PRKCA: variants seen among roughly 807,000 people sequenced by gnomAD.
The protein encoded by PRKCA is protein kinase C alpha type.
PRKCA carries 27 observed loss-of-function variants against 87.0 expected under a neutral mutation model. That is an observed-to-expected ratio of 0.31 (90% CI 0.23 to 0.43). PRKCA has a LOEUF of 0.43. Ranked by LOEUF, PRKCA falls within the 20% of genes least tolerant of loss-of-function variation. PRKCA has a pLI of 1.00. For synonymous variants in PRKCA, 329 were observed against 311.1 expected (o/e 1.06, Z -0.61); for missense variants, 518 against 852.3 (o/e 0.61, Z 4.88).
intron 14 of PRKCA, among the ~76,000 whole-genome samples, chr17:66,776,853 G>A (rs1482020461): frequency 1.3e-5 from 2 of 152,218 alleles, no homozygotes; most frequent in Non-Finnish European, 2.9e-5. Flanking sequence ...GGGAGGGGCG[G>A]CATGTGCAGT....
intron 5 of PRKCA, among the ~76,000 whole-genome samples, chr17:66,684,920 T>C (rs1972584947): frequency 6.6e-6 from 1 of 152,228 alleles, no homozygotes; most frequent in South Asian, 2.1e-4. Context: ...GTTGGCCTCT[T>C]TCCATTCCTC....
chr17:66,384,877 C>A (rs1219919871), intron 2 of PRKCA, among the ~76,000 whole-genome samples: 1 of 152,052 alleles, frequency 6.6e-6, no homozygotes, highest in Non-Finnish European at 1.5e-5. Context: ...TGATCCGCCC[C>A]CCTCAGCCTC....
Position 66,391,463 on chromosome 17 carries a change from G to A in PRKCA, c.205+85336G>A, listed in dbSNP as rs138630415. ...GTCATCTGCTCCACATTGGCCAAGG[G>A]TCGGTAGGGTCAGGACAGAGGCCTG... On this transcript the variant is annotated intron_variant, in intron 2 of 16. Transcript: ENST00000413366. 8.5e-5 allele frequency among the ~76,000 whole-genome samples: 13 copies of A among 152,164 alleles called. No homozygotes were observed. The East Asian group carries it at 2.5e-3, about 30-fold the overall frequency.
intron 2 of PRKCA, among the ~76,000 whole-genome samples, chr17:66,391,642 T>C (rs565051771): frequency 6.6e-6 from 1 of 152,232 alleles, no homozygotes. Context: ...TTTTACTTTA[T>C]TGGACAAGCA....
intron 14 of PRKCA, among the ~76,000 whole-genome samples, chr17:66,780,983 C>T (rs2144357798): frequency 6.6e-6 from 1 of 152,180 alleles, no homozygotes; most frequent in South Asian, 2.1e-4. Context: ...GTGACGTGCA[C>T]CTGTAATCCC....
rs570689663 is a variant in PRKCA at position 66,383,002 on chromosome 17, G to A, written c.205+76875G>A. Reference sequence around the variant, plus strand: ...TCATTATTTTATTTCCACATTATACGTAACTGTGTACTTAGTTTTTTTGTA... The same window carrying A: ...TCATTATTTTATTTCCACATTATACATAACTGTGTACTTAGTTTTTTTGTA... On this transcript the variant is annotated intron_variant, in intron 2 of 16. Transcript: ENST00000413366. Among the ~76,000 whole-genome samples the A allele has an allele frequency of 6.6e-5, 10 of 152,190 alleles. No homozygotes were observed. In the South Asian group the frequency reaches 1.5e-3, roughly 22 times the overall value.
At chr17:66,593,692 C>A (rs984855854) in intron 3 of PRKCA, among the ~76,000 whole-genome samples, 4 of 152,198 alleles carry the variant, frequency 2.6e-5, no homozygotes, top group African/African-American at 7.2e-5. Context: ...GAAAAGGAAA[C>A]CCCTGCTTCT....
At chr17:66,641,496 C>A in intron 4 of PRKCA, 30 bp downstream of exon 4, 2 of 1,534,184 alleles carry the variant, frequency 1.3e-6, no homozygotes, top group Non-Finnish European at 1.8e-6. Flanking sequence ...CAGTTCATAG[C>A]GAGGCTCTGT....
chr17:66,630,197 G>A (rs1205745911), intron 3 of PRKCA, among the ~76,000 whole-genome samples: 1 of 152,030 alleles, frequency 6.6e-6, no homozygotes, highest in African/African-American at 2.4e-5. Context: ...TTCCTTAGAG[G>A]AATCAGTATG....
intron 2 of PRKCA, among the ~76,000 whole-genome samples, chr17:66,349,130 C>G (rs1159720887): frequency 1.3e-5 from 2 of 152,198 alleles, no homozygotes; most frequent in Non-Finnish European, 2.9e-5. Context: ...ACGGTTTGCT[C>G]TCTTCCTGTC....
At chr17:66,765,162 C>A (rs542592285) in intron 13 of PRKCA, among the ~76,000 whole-genome samples, 1 of 151,972 alleles carries the variant, frequency 6.6e-6, no homozygotes, top group African/African-American at 2.4e-5. Flanking sequence ...GCCTGTAATC[C>A]CAGCGCTTTG....
intron 5 of PRKCA, among the ~76,000 whole-genome samples, chr17:66,649,664 A>G (rs1971541048): frequency 6.6e-6 from 1 of 152,210 alleles, no homozygotes; most frequent in East Asian, 1.9e-4. Flanking sequence ...GGAACAAACA[A>G]TTAACCCATA....
At chr17:66,661,568 C>T (rs1010980380) in intron 5 of PRKCA, among the ~76,000 whole-genome samples, 2 of 152,204 alleles carry the variant, frequency 1.3e-5, no homozygotes, top group Non-Finnish European at 2.9e-5. Context: ...TTGAACACGT[C>T]AACCTGCTCC....
At chr17:66,498,973 G>A (rs1028536135) in intron 3 of PRKCA, among the ~76,000 whole-genome samples, 2 of 152,134 alleles carry the variant, frequency 1.3e-5, no homozygotes, top group African/African-American at 2.4e-5. Context: ...AACCTTAAGG[G>A]CTCATCTCTT....
At chr17:66,328,162 T>C (rs988742590) in intron 2 of PRKCA, among the ~76,000 whole-genome samples, 3 of 152,108 alleles carry the variant, frequency 2.0e-5, no homozygotes, top group African/African-American at 7.2e-5. Flanking sequence ...TGCCTCAGCC[T>C]CCAGAGTAGC....
At chr17:66,525,864 C>T (rs1967331297) in intron 3 of PRKCA, among the ~76,000 whole-genome samples, 1 of 151,528 alleles carries the variant, frequency 6.6e-6, no homozygotes, top group South Asian at 2.1e-4. Flanking sequence ...TTTTTCAATT[C>T]AGAAGAAGGT....
At chr17:66,618,860 C>T (rs973259257) in intron 3 of PRKCA, among the ~76,000 whole-genome samples, 1 of 152,168 alleles carries the variant, frequency 6.6e-6, no homozygotes, top group Admixed American at 6.5e-5. Flanking sequence ...CCCTCCCTCC[C>T]TCCCTTCCTT....
rs61761471 is a variant in PRKCA at position 66,741,513 on chromosome 17, CG to C, written c.1323-141del. 7.7e-4 allele frequency: 550 copies of C among 714,420 alleles called. 3 individuals carry two copies. The African/African-American group carries it at 9.1e-3, about 12-fold the overall frequency. The allele number at this position is 714,420 out of a possible 1,614,324, so 44.3% of individuals were successfully genotyped here. A position where few individuals can be genotyped will look rare whatever the true frequency, so the allele number is the denominator to read the frequency against. On this transcript the variant is annotated intron_variant, in intron 11 of 16. Transcript: ENST00000413366. ...GAGGACGAAGTGATGGAGGGAGGAC[CG>C]GGGGTTGGAAGAACACGATGCTGGT...
At chr17:66,763,366 A>G (rs1409764084) in intron 13 of PRKCA, among the ~76,000 whole-genome samples, 1 of 152,198 alleles carries the variant, frequency 6.6e-6, no homozygotes, top group African/African-American at 2.4e-5. Context: ...TGTGGGTCCC[A>G]CAGTAGCAAG....
Sources: allele counts gnomAD v4.1 joint callset (sites outside exome capture counted in the v4.1 genomes callset), GRCh38; gene constraint gnomAD v4.1.1; transcripts MANE v1.5; gene names NCBI Gene and HGNC (gene_info 2026-07-23, HGNC 2026-07-21).